Variants in PPM1J observed in about 807,000 individuals in gnomAD.
PPM1J encodes the protein protein phosphatase, Mg2+/Mn2+ dependent 1J.
A neutral mutation model predicts 53.3 loss-of-function variants in PPM1J; 43 were observed. That is an observed-to-expected ratio of 0.81 (90% CI 0.63 to 1.04). PPM1J has a LOEUF of 1.04. PPM1J is among the 50% of genes least tolerant of loss of function. PPM1J has a pLI of 0.00. For synonymous variants in PPM1J, 267 were observed against 286.4 expected (o/e 0.93, Z 0.68); for missense variants, 635 against 685.9 (o/e 0.93, Z 0.83).
Position 112,710,045 on chromosome 1 carries a change from G to A in PPM1J, c.*118C>T, listed in dbSNP as rs76334762. The A allele has an allele frequency of 9.6e-6, 14 of 1,464,546 alleles. No individual in the cohort carries two copies. The East Asian group carries it at 1.5e-4, about 15-fold the overall frequency. 90.7% of individuals were successfully genotyped at this position (1,464,546 alleles called of 1,614,324 possible). A position where few individuals can be genotyped will look rare whatever the true frequency, so the allele number is the denominator to read the frequency against. ...CAATAGCTGTAATTTTGGATATAGCGGACATCCCTTCTTCAGTTAAGTTGC... is the reference window on the plus strand; with the variant it reads ...CAATAGCTGTAATTTTGGATATAGCAGACATCCCTTCTTCAGTTAAGTTGC... On this transcript the variant is annotated 3_prime_UTR_variant, in exon 10 of 10. Coordinates refer to ENST00000309276, the MANE Select transcript of PPM1J (RefSeq NM_005167.7).
At chr1:112,712,147 C>A in intron 4 of PPM1J, 92 bp from the exon 5 acceptor site, 1 of 1,134,744 alleles carries the variant, frequency 8.8e-7, no homozygotes, top group South Asian at 1.5e-5. Flanking sequence ...CCATAATGAC[C>A]TTTCAGATCT....
chr1:112,715,223 C>G lies in PPM1J; in HGVS notation c.79G>C (p.Asp27His). 1 of 1,404,184 alleles carries G rather than the reference C, an allele frequency of 7.1e-7. No individual in the cohort carries two copies. Among genetic ancestry groups the G allele is most frequent in the Non-Finnish European group, 9.2e-7 (1 of 1,089,916 alleles). The allele number at this position is 1,404,184 out of a possible 1,614,324, so 87.0% of individuals were successfully genotyped here. A position where few individuals can be genotyped will look rare whatever the true frequency, so the allele number is the denominator to read the frequency against. ...GAPPPRPKSP[D>H]LPNAASAPPA... ...GGCGCCGAGGCGGCGTTGGGCAGGT[C>G]CGGGGATTTGGGGCGCGGAGGCGGA... The change falls in exon 1 of 10, where the codon GAC becomes CAC. Residue 27 changes from aspartate to histidine, a missense_variant. Physicochemically the swap from Asp to His is moderately conservative, Grantham distance 81. Transcript: ENST00000309276. This position sits in a 1 kb window ranked among gnomAD's most constrained non-coding sequence, Gnocchi z 4.4.
chr1:112,715,128 C>T lies in PPM1J; in HGVS notation c.174G>A (p.Ala58=), dbSNP rs765477645. The T allele has an allele frequency of 1.9e-6, 3 of 1,551,380 alleles. No individual in the cohort carries two copies. The African/African-American group carries it at 4.2e-5, about 22-fold the overall frequency. Residue 58 remains alanine, a synonymous_variant, in exon 1 of 10, where the codon GCG becomes GCA. Transcript: ENST00000309276. This position sits in a 1 kb window ranked among gnomAD's most constrained non-coding sequence, Gnocchi z 4.4. ...AKAGSGSATP[A]KAVEARASFS... is the part of the protein sequence containing the mutation. ...AGCTCGCTCGAGCCTCAACAGCCTT[C>T]GCGGGCGTCGCGCTCCCGCTCCCAG... is the stretch of plus-strand genomic sequence containing the variant.
At position 112,710,538 on chromosome 1, in the gene PPM1J, C is replaced by G. The variant is rs1451700017; in HGVS notation, c.1292G>C (p.Trp431Ser). The change falls in exon 9 of 10, where the codon TGG (tryptophan) becomes TCG (serine). Residue 431 changes from tryptophan (W) to serine (S), a missense_variant. Coordinates refer to ENST00000309276, the MANE Select transcript of PPM1J (RefSeq NM_005167.7). ...TACCTCACAGTCAGTAGTGACATCC[C>G]ACAGGCCATCTGTTCCCAGGACTAG... is the stretch of plus-strand genomic sequence containing the variant. ...DVLVLGTDGL[W>S]DVTTDCEVAA... is the part of the protein sequence containing the mutation. 6.2e-7 allele frequency: 1 copy of G among 1,614,218 alleles called. No homozygotes were observed. Among genetic ancestry groups the G allele is most frequent in the Non-Finnish European group, 8.5e-7 (1 of 1,180,032 alleles).
At chr1:112,714,506 G>A in intron 1 of PPM1J, 6 of 988,666 alleles carry the variant, frequency 6.1e-6, no homozygotes, top group Non-Finnish European at 7.2e-6. Context: ...GGTGTGGAGG[G>A]GGAGGGGAAC....
chr1:112,714,665 G>A lies in PPM1J; in HGVS notation c.326+311C>T, dbSNP rs1052864364. ...CTTTAAGCTGCCGGGCCGCGACGGGGAACTGGCCAACTCATCCTTCGCCGG... is the reference window on the plus strand; with the variant it reads ...CTTTAAGCTGCCGGGCCGCGACGGGAAACTGGCCAACTCATCCTTCGCCGG... On this transcript the variant is annotated intron_variant, in intron 1 of 9. Transcript: ENST00000309276. 5.8e-6 allele frequency: 7 copies of A among 1,199,458 alleles called. No individual in the cohort carries two copies. The African/African-American group carries it at 6.3e-5, about 11-fold the overall frequency. 74.3% of individuals were successfully genotyped at this position (1,199,458 alleles called of 1,614,324 possible).
rs1335189473 is a variant in PPM1J, at chr1:112,712,373, C to A, written c.814G>T (p.Val272Leu). Residue 272 changes from valine to leucine, a missense_variant, in exon 4 of 10, where the codon GTG (valine) becomes TTG (leucine). By Grantham distance (32) the Val-to-Leu change is conservative (BLOSUM62 1). Transcript: ENST00000309276. ...ALVVIYLLGK[V>L]YVANAGDSRA... ...CTATCGCCTGCATTGGCCACGTACA[C>A]CTTGCCTAGCAGGTAGATCACAACC... The A allele has an allele frequency of 6.2e-7, 1 of 1,613,932 alleles. No homozygotes were observed. Among genetic ancestry groups the A allele is most frequent in the Admixed American group, 1.7e-5 (1 of 59,998 alleles).
At chr1:112,713,244 T>C (rs1447334091) in intron 2 of PPM1J, among the ~76,000 whole-genome samples, 2 of 152,138 alleles carry the variant, frequency 1.3e-5, no homozygotes, top group Admixed American at 6.5e-5. Flanking sequence ...ACTCAGAGGA[T>C]AACAGATCCA....
In PPM1J at chr1:112,715,069, C is replaced by A. The variant is rs1210924502; in HGVS notation, c.233G>T (p.Gly78Val). 6.4e-7 allele frequency: 1 copy of A among 1,551,124 alleles called. No individual in the cohort carries two copies. Among genetic ancestry groups the A allele is most frequent in the Non-Finnish European group, 8.6e-7 (1 of 1,158,000 alleles). The change falls in exon 1 of 10, where the codon GGG becomes GTG. Residue 78 changes from glycine (G) to valine (V), a missense_variant. Transcript: ENST00000309276. This position sits in a 1 kb window ranked among gnomAD's most constrained non-coding sequence, Gnocchi z 4.4. ...GTGGTCATCGGCGCGTCGCAGCCCC[C>A]CGGGGCTCAGCTGCAGAAAGGTCGG... ...SRPTFLQLSPGGLRRADDHAG... is the reference protein window; with the variant it reads ...SRPTFLQLSPVGLRRADDHAG...
chr1:112,712,529 C>A, intron 3 of PPM1J, 72 bp from the exon 4 acceptor site: 1 of 1,365,774 alleles, frequency 7.3e-7, no homozygotes, highest in Non-Finnish European at 1.0e-6. Flanking sequence ...CCCCCTACCC[C>A]CTCCACCCGT....
At position 112,713,920 on chromosome 1, in the gene PPM1J, G is replaced by C. The variant is rs965198722; in HGVS notation, c.327-309C>G. 27 of 679,534 alleles carry C rather than the reference G, an allele frequency of 4.0e-5. No homozygotes were observed. The Admixed American group carries it at 4.5e-4, about 11-fold the overall frequency. The allele number at this position is 679,534 out of a possible 1,614,324, so 42.1% of individuals were successfully genotyped here. On this transcript the variant is annotated intron_variant, in intron 1 of 9. Coordinates refer to ENST00000309276, the MANE Select transcript of PPM1J (RefSeq NM_005167.7). The stretch of plus-strand genomic sequence containing the variant: ...AAGAAAAAAGAAAAAGGCATTCCTA[G>C]TGGTGCTTCTGGGGGAGGGGCTAGT...
chr1:112,714,456 G>A, intron 1 of PPM1J: 1 of 986,318 alleles, frequency 1.0e-6, no homozygotes. Context: ...CCCCGCTCCT[G>A]GGGAAGCTGG....
intron 5 of PPM1J, 21 bp downstream of exon 5, chr1:112,711,950 G>A (rs773789110): frequency 1.0e-5 from 16 of 1,566,640 alleles, no homozygotes; most frequent in Non-Finnish European, 1.2e-5. Context: ...AATGGGGGTA[G>A]GGAATTTGGT....
Position 112,710,077 on chromosome 1 carries a change from A to G in PPM1J, c.*86T>C. On this transcript the variant is annotated 3_prime_UTR_variant, in exon 10 of 10. Coordinates refer to ENST00000309276, the MANE Select transcript of PPM1J (RefSeq NM_005167.7). Reference sequence around the variant, plus strand: ...CCTTCTTCAGTTAAGTTGCCACTAAAGAAGGGTCAGGGAGACAACTTCAGA... The same window carrying G: ...CCTTCTTCAGTTAAGTTGCCACTAAGGAAGGGTCAGGGAGACAACTTCAGA... 6.1e-6 allele frequency: 9 copies of G among 1,474,696 alleles called. No individual in the cohort carries two copies. Among genetic ancestry groups the G allele is most frequent in the Non-Finnish European group, 8.1e-6 (9 of 1,115,334 alleles). The allele number at this position is 1,474,696 out of a possible 1,614,324, so 91.4% of individuals were successfully genotyped here.
intron 2 of PPM1J, 53 bp downstream of exon 2, chr1:112,713,435 CAGAGGCCTG>C: frequency 8.3e-7 from 1 of 1,204,870 alleles, no homozygotes; most frequent in Non-Finnish European, 1.2e-6. Flanking sequence ...GATTTAAAAC[CAGAGGCCTG>C]AGTCCCTGGG....
intron 9 of PPM1J, 47 bp from the exon 10 acceptor site, chr1:112,710,357 A>G (rs769678053): frequency 6.8e-6 from 11 of 1,611,042 alleles, no homozygotes; most frequent in Non-Finnish European, 8.5e-6. Flanking sequence ...TGTATGTGGG[A>G]AGACAGATAC....
intron 3 of PPM1J, 80 bp from the exon 4 acceptor site, chr1:112,712,537 C>T (rs566088594): frequency 1.6e-5 from 21 of 1,335,918 alleles, no homozygotes; most frequent in East Asian, 9.7e-5. Context: ...CCCCTCCACC[C>T]GTAGAAATCA....
At chr1:112,713,459 G>C (rs940190060) in intron 2 of PPM1J, 38 bp downstream of exon 2, 1 of 1,414,250 alleles carries the variant, frequency 7.1e-7, no homozygotes. Flanking sequence ...CCTGGGGAGA[G>C]GTGTCACTGT....
At chr1:112,711,215 G>C in intron 6 of PPM1J, 51 bp downstream of exon 6, 1 of 1,497,040 alleles carries the variant, frequency 6.7e-7, no homozygotes, top group East Asian at 2.3e-5. Flanking sequence ...GCGGGCGAGG[G>C]ACTGGTTGTG....
Sources: allele counts gnomAD v4.1 joint callset (sites outside exome capture counted in the v4.1 genomes callset), GRCh38; gene constraint gnomAD v4.1.1; non-coding constraint Gnocchi (gnomAD v3.1); transcripts MANE v1.5; gene names NCBI Gene and HGNC (gene_info 2026-07-23, HGNC 2026-07-21).